The following ATP5MC3 variants were observed in gnomAD, a reference collection of about 807,000 sequenced individuals.
ATP5MC3 encodes the protein ATP synthase membrane subunit c locus 3.
Under a neutral mutation model 15.6 loss-of-function variants are expected in ATP5MC3, and 6 were observed. That is an observed-to-expected ratio of 0.38 (90% CI 0.21 to 0.76). The LOEUF is 0.76. ATP5MC3 is among the 30% of genes least tolerant of loss of function. The pLI is 0.44. For synonymous variants in ATP5MC3, 66 were observed against 63.3 expected (o/e 1.04, Z -0.20); for missense variants, 132 against 171.2 (o/e 0.77, Z 1.28).
At position 175,180,088 on chromosome 2, in the gene ATP5MC3, C is replaced by T. The variant is rs115096123; in HGVS notation, c.120+10G>A. 273 of 1,580,562 alleles carry T rather than the reference C, an allele frequency of 1.7e-4. No homozygotes were observed. The African/African-American group carries it at 3.6e-3, about 21-fold the overall frequency. On this transcript the variant is annotated intron_variant, in intron 3 of 4. Transcript: ENST00000284727. ...TAGTGTTACCTAATTTCAATTATTG[C>T]TACTATTACCTCTCCAGTCCTACTA...
rs1051593257 is a variant in ATP5MC3 at position 175,176,465 on chromosome 2, CACT to C, written c.*1820_*1822del. 3 of 152,086 alleles carry C rather than the reference CACT, an allele frequency of 2.0e-5. No individual in the cohort carries two copies. Among genetic ancestry groups the C allele is most frequent in the African/African-American group, 7.2e-5 (3 of 41,412 alleles). 9.4% of individuals were successfully genotyped at this position (152,086 alleles called of 1,614,324 possible). The stretch of plus-strand genomic sequence containing the variant: ...ATTTACAATGTTGTGCAACCATCAC[CACT>C]AATTCATCAAATTTTAATAATCTTT... On this transcript the variant is annotated 3_prime_UTR_variant, in exon 5 of 5. Coordinates refer to ENST00000284727, the MANE Select transcript of ATP5MC3 (RefSeq NM_001689.5).
chr2:175,181,438 G>A lies in ATP5MC3; in HGVS notation c.-45C>T, dbSNP rs563242795. The A allele has an allele frequency of 6.2e-7, 1 of 1,610,490 alleles. No homozygotes were observed. The highest frequency in any genetic ancestry group is 8.5e-7 in the Non-Finnish European group (1 of 1,178,164). On this transcript the variant is annotated 5_prime_UTR_variant, in exon 2 of 5. Coordinates refer to ENST00000284727, the MANE Select transcript of ATP5MC3 (RefSeq NM_001689.5). ...CGCGGCTGGAGATATTGGGTGACAG[G>A]CGACGTGGGCTCCTCTCCCGCTTCC...
In ATP5MC3 at chr2:175,181,423, G is replaced by A; in HGVS notation, c.-30C>T. On this transcript the variant is annotated 5_prime_UTR_variant, in exon 2 of 5. Transcript: ENST00000284727. ...CACTCTTCGGGACTGCGCGGCTGGAGATATTGGGTGACAGGCGACGTGGGC... is the reference window on the plus strand; with the variant it reads ...CACTCTTCGGGACTGCGCGGCTGGAAATATTGGGTGACAGGCGACGTGGGC... The A allele has an allele frequency of 6.2e-7, 1 of 1,612,790 alleles. No homozygotes were observed. Among genetic ancestry groups the A allele is most frequent in the African/African-American group, 1.3e-5 (1 of 75,032 alleles).
intron 3 of ATP5MC3, among the ~76,000 whole-genome samples, 163 bp from the exon 4 acceptor site, chr2:175,179,413 TAAC>T (rs1274654223): frequency 6.6e-6 from 1 of 152,236 alleles, no homozygotes; most frequent in African/African-American, 2.4e-5. Context: ...GTAACAGGGA[TAAC>T]AATATCTACA....
At chr2:175,180,238 A>G (rs1053077964) in intron 2 of ATP5MC3, 60 bp from the exon 3 acceptor site, 25 of 1,312,460 alleles carry the variant, frequency 1.9e-5, no homozygotes, top group East Asian at 5.3e-5. Flanking sequence ...TAAGACTTCA[A>G]TGACTTTTCT....
In ATP5MC3 at chr2:175,181,379, G is replaced by A. The variant is rs1356829829; in HGVS notation, c.15C>T (p.Ala5=). The A allele has an allele frequency of 6.2e-7, 1 of 1,613,862 alleles. No individual in the cohort carries two copies. ...CCAGAGAGGGGGTGCAGGCGAGCTTGGCGCAGGCGAACATCTTACACTCTT... is the reference window on the plus strand; with the variant it reads ...CCAGAGAGGGGGTGCAGGCGAGCTTAGCGCAGGCGAACATCTTACACTCTT... MFAC[A]KLACTPSLIR... The change falls in exon 2 of 5, where the codon GCC becomes GCT. Residue 5 remains alanine, a synonymous_variant. Coordinates refer to ENST00000284727, the MANE Select transcript of ATP5MC3 (RefSeq NM_001689.5).
chr2:175,181,511 T>C lies in ATP5MC3; in HGVS notation c.-73-45A>G, dbSNP rs2105418046. 4 of 1,286,352 alleles carry C rather than the reference T, an allele frequency of 3.1e-6. No homozygotes were observed. The East Asian group carries it at 7.8e-5, about 25-fold the overall frequency. 79.7% of individuals were successfully genotyped at this position (1,286,352 alleles called of 1,614,324 possible). A position where few individuals can be genotyped will look rare whatever the true frequency, so the allele number is the denominator to read the frequency against. ...TAAGGTCAAGTGCCCTCCAGGGGCC[T>C]GTTCTTCCCACCCAGGCCCCGCAGG... On this transcript the variant is annotated intron_variant, in intron 1 of 4. Transcript: ENST00000284727.
At position 175,179,209 on chromosome 2, in the gene ATP5MC3, C is replaced by A. The variant is rs767363487; in HGVS notation, c.162G>T (p.Gln54His). The change falls in exon 4 of 5, where the codon CAG becomes CAT. Residue 54 changes from glutamine (Q) to histidine (H), a missense_variant. Physicochemically the swap from Gln to His is conservative, Grantham distance 24. Transcript: ENST00000284727. ...VFNGAQNGVS[Q>H]LIQREFQTSA... is the part of the protein sequence containing the mutation. ...TGGTCTGAAACTCCCTTTGGATTAGCTGAGACACACCATTCTGGGCCCCAT... is the reference window on the plus strand; with the variant it reads ...TGGTCTGAAACTCCCTTTGGATTAGATGAGACACACCATTCTGGGCCCCAT... The A allele has an allele frequency of 3.1e-6, 5 of 1,614,060 alleles. No homozygotes were observed. In the East Asian group the frequency reaches 1.1e-4, roughly 36 times the overall value.
At position 175,179,040 on chromosome 2, in the gene ATP5MC3, G is replaced by A. The variant is rs1268342348; in HGVS notation, c.314+17C>T. The A allele has an allele frequency of 6.2e-7, 1 of 1,607,674 alleles. No individual in the cohort carries two copies. The highest frequency in any genetic ancestry group is 8.5e-7 in the Non-Finnish European group (1 of 1,176,462). On this transcript the variant is annotated intron_variant, in intron 4 of 4. Coordinates refer to ENST00000284727, the MANE Select transcript of ATP5MC3 (RefSeq NM_001689.5). ...TGCAAGCATGCTCTTAACTTATTTA[G>A]GGATAGAAATGATTACCTGGCATAA...
At chr2:175,179,303 T>C (rs1024829538) in intron 3 of ATP5MC3, 53 bp from the exon 4 acceptor site, 7 of 1,531,252 alleles carry the variant, frequency 4.6e-6, no homozygotes, top group Non-Finnish European at 6.2e-6. Flanking sequence ...CAGGTAGCTA[T>C]TTTAATTAAA....
chr2:175,181,600 C>A (rs1700775064), intron 1 of ATP5MC3, 56 bp downstream of exon 1: 1 of 598,152 alleles, frequency 1.7e-6, no homozygotes, highest in Admixed American at 3.3e-5. Flanking sequence ...TGAATGGGTC[C>A]CTACTGGGCG....
At chr2:175,178,890 C>CAT (rs1700726599) in intron 4 of ATP5MC3, 167 bp downstream of exon 4, 2 of 1,207,164 alleles carry the variant, frequency 1.7e-6, no homozygotes, top group Admixed American at 3.0e-5. Flanking sequence ...TCTCATAACA[C>CAT]CCCAAATGGT....
rs143450352 is a variant in ATP5MC3, at chr2:175,179,904, T to G, written c.120+194A>C. ...TATAAATACTTGGCCAAGTTTTGGA[T>G]AGAGAAATTTCTCTATTCGTCTCAT... On this transcript the variant is annotated intron_variant, in intron 3 of 4. Transcript: ENST00000284727. The G allele has an allele frequency of 6.4e-4, 335 of 524,358 alleles. 4 individuals are homozygous for G. In the East Asian group the frequency reaches 0.012, roughly 19 times the overall value. The allele number at this position is 524,358 out of a possible 1,614,324, so 32.5% of individuals were successfully genotyped here.
Position 175,178,117 on chromosome 2 carries a change from T to TA in ATP5MC3, c.*170dup. 7.8e-7 allele frequency: 1 copy of TA among 1,282,378 alleles called. No homozygotes were observed. The highest frequency in any genetic ancestry group is 1.0e-6 in the Non-Finnish European group (1 of 979,966). The allele number at this position is 1,282,378 out of a possible 1,614,324, so 79.4% of individuals were successfully genotyped here. A position where few individuals can be genotyped will look rare whatever the true frequency, so the allele number is the denominator to read the frequency against. On this transcript the variant is annotated 3_prime_UTR_variant, in exon 5 of 5. Transcript: ENST00000284727. ...GTTCTTCTTTGTGATAATCTAAACTTAGTGTAAGTACAAATCACAGAAGAA... is the reference window on the plus strand; with the variant it reads ...GTTCTTCTTTGTGATAATCTAAACTTAAGTGTAAGTACAAATCACAGAAGAA...
Position 175,177,158 on chromosome 2 carries a change from T to G in ATP5MC3, c.*1130A>C, listed in dbSNP as rs1700699391. The G allele has an allele frequency of 6.6e-6, 1 of 152,170 alleles. No individual in the cohort carries two copies. Among genetic ancestry groups the G allele is most frequent in the Non-Finnish European group, 1.5e-5 (1 of 68,032 alleles). The allele number at this position is 152,170 out of a possible 1,614,324, so 9.4% of individuals were successfully genotyped here. A position where few individuals can be genotyped will look rare whatever the true frequency, so the allele number is the denominator to read the frequency against. On this transcript the variant is annotated 3_prime_UTR_variant, in exon 5 of 5. Transcript: ENST00000284727. The stretch of plus-strand genomic sequence containing the variant: ...TTTTAAAGATGTAGATTGCTGAGTC[T>G]CATGTCCAAAGAGTCCAATTCAGTA...
chr2:175,179,991 A>G lies in ATP5MC3; in HGVS notation c.120+107T>C, dbSNP rs1700744928. 4.2e-6 allele frequency: 4 copies of G among 946,302 alleles called. No homozygotes were observed. In the Admixed American group the frequency reaches 1.3e-4, roughly 30 times the overall value. The allele number at this position is 946,302 out of a possible 1,614,324, so 58.6% of individuals were successfully genotyped here. A position where few individuals can be genotyped will look rare whatever the true frequency, so the allele number is the denominator to read the frequency against. On this transcript the variant is annotated intron_variant, in intron 3 of 4. Coordinates refer to ENST00000284727, the MANE Select transcript of ATP5MC3 (RefSeq NM_001689.5). ...TAGTTTTTTGGATAAAAGGGTGGGA[A>G]AGACTTGCCCTCAAACTCTTATTAA...
At chr2:175,181,631 C>T (rs1201105140) in intron 1 of ATP5MC3, 25 bp downstream of exon 1, 10 of 535,934 alleles carry the variant, frequency 1.9e-5, no homozygotes, top group Non-Finnish European at 2.9e-5. Context: ...CTGGCCAGGC[C>T]GGGCTCCCTG....
At position 175,181,683 on chromosome 2, in the gene ATP5MC3, C is replaced by A. The variant is rs574716469; in HGVS notation, c.-101G>T. 386 of 478,408 alleles carry A rather than the reference C, an allele frequency of 8.1e-4. No homozygotes were observed. Among genetic ancestry groups the A allele is most frequent in the Non-Finnish European group, 1.2e-3 (318 of 270,854 alleles). 29.6% of individuals were successfully genotyped at this position (478,408 alleles called of 1,614,324 possible). On this transcript the variant is annotated 5_prime_UTR_variant, in exon 1 of 5. Coordinates refer to ENST00000284727, the MANE Select transcript of ATP5MC3 (RefSeq NM_001689.5). ...TCCCAGGAGGCGGCGGCGGCACGGG[C>A]TGCGGCAGAGGTCGAAGGAGTGGGA... is the stretch of plus-strand genomic sequence containing the variant.
rs756169521 is a variant in ATP5MC3 at position 175,178,284 on chromosome 2, TTTG to T, written c.*1_*3del. The T allele has an allele frequency of 5.0e-6, 8 of 1,604,516 alleles. No homozygotes were observed. Among genetic ancestry groups the T allele is most frequent in the Non-Finnish European group, 6.8e-6 (8 of 1,177,494 alleles). On this transcript the variant is annotated 3_prime_UTR_variant, in exon 5 of 5. Coordinates refer to ENST00000284727, the MANE Select transcript of ATP5MC3 (RefSeq NM_001689.5). Reference sequence around the variant, plus strand: ...TGAATGCCAACATGTCAAGCAGTAATTTGTTACATGGCAAACAAAATCAAGAAA... The same window carrying T: ...TGAATGCCAACATGTCAAGCAGTAATTTACATGGCAAACAAAATCAAGAAA...
Sources: gnomAD v4.1 joint callset for allele counts (sites outside exome capture counted in the v4.1 genomes callset) on GRCh38, gnomAD v4.1.1 for gene constraint, MANE v1.5 for transcripts, NCBI Gene and HGNC (gene_info 2026-07-23, HGNC 2026-07-21) for gene names.